KDM4C: variants seen among roughly 807,000 people sequenced by gnomAD.
The protein encoded by KDM4C is lysine demethylase 4C.
In KDM4C, 81 loss-of-function variants were observed where a neutral mutation model predicts 129.3. The ratio of observed to expected loss-of-function variants is 0.63; its 90% CI spans 0.52 to 0.75. The LOEUF is 0.75. Among genes scored for constraint, KDM4C ranks in the 30% least tolerant of loss-of-function variants. The probability of loss-of-function intolerance (pLI) is 0.00; values close to 1 mark genes in which losing one functional copy is unlikely to be tolerated. For missense variants in KDM4C, 1,457 were observed against 1,304.0 expected (o/e 1.12, Z -1.81); for synonymous variants, 573 against 456.1 (o/e 1.26, Z -3.26).
chr9:6,965,363 A>G (rs1162342996), intron 8 of KDM4C, among the ~76,000 whole-genome samples: 2 of 152,126 alleles, frequency 1.3e-5, no homozygotes, highest in Non-Finnish European at 2.9e-5. Context: ...AGAGAGATAT[A>G]TATGACTAAA....
intron 5 of KDM4C, among the ~76,000 whole-genome samples, chr9:6,873,847 G>C (rs1428020171): frequency 1.3e-5 from 2 of 151,480 alleles, no homozygotes; most frequent in Non-Finnish European, 2.9e-5. Flanking sequence ...ATCATTTCTA[G>C]CTTTTGATTT....
At chr9:7,089,173 C>T (rs952310669) in intron 17 of KDM4C, among the ~76,000 whole-genome samples, 11 of 151,836 alleles carry the variant, frequency 7.2e-5, no homozygotes, top group Admixed American at 1.3e-4. Context: ...TCTAATTTAC[C>T]ATGTTTTAAT....
intron 11 of KDM4C, among the ~76,000 whole-genome samples, chr9:6,989,147 G>A (rs1290561100): frequency 3.9e-5 from 6 of 152,166 alleles, no homozygotes; most frequent in Admixed American, 3.9e-4. Flanking sequence ...TATAAACATA[G>A]ATAGCTGTCA....
In KDM4C at chr9:7,169,896, T is replaced by G. The variant is rs1564205080; in HGVS notation, c.2994+6T>G. The G allele has an allele frequency of 6.2e-7, 1 of 1,613,844 alleles. No homozygotes were observed. Among genetic ancestry groups the G allele is most frequent in the Non-Finnish European group, 8.5e-7 (1 of 1,179,882 alleles). On this transcript the variant is annotated splice_donor_region_variant and intron_variant, in intron 21 of 21. Transcript: ENST00000381309. ...AGAGAGTGAAAGCTCGATTTGTAAG[T>G]GCTGGCAGATGCCACTTGGGGACCT...
chr9:7,106,092 T>C (rs192815730), intron 18 of KDM4C, among the ~76,000 whole-genome samples: 3 of 152,336 alleles, frequency 2.0e-5, no homozygotes, highest in African/African-American at 7.2e-5. Flanking sequence ...ATATTTCTAG[T>C]AGCTGTTACT....
chr9:7,125,504 G>A (rs937094608), intron 18 of KDM4C, among the ~76,000 whole-genome samples: 1 of 152,208 alleles, frequency 6.6e-6, no homozygotes, highest in African/African-American at 2.4e-5. Context: ...AATGACTGTT[G>A]AGGAAATTAG....
Position 7,091,936 on chromosome 9 carries a change from G to A in KDM4C, c.2425-11749G>A, listed in dbSNP as rs74671049. The stretch of plus-strand genomic sequence containing the variant: ...CTGGGCTCAGCACATGCTTCTCTGC[G>A]CTGTTTCCTGAAGTGTTATTTGTTT... On this transcript the variant is annotated intron_variant, in intron 17 of 21. Coordinates refer to ENST00000381309, the MANE Select transcript of KDM4C (RefSeq NM_015061.6). Among the ~76,000 whole-genome samples, 1,190 of 152,288 alleles carry A rather than the reference G, an allele frequency of 7.8e-3. 13 individuals carry two copies. Among genetic ancestry groups the A allele is most frequent in the African/African-American group, 0.026 (1,098 of 41,552 alleles).
intron 6 of KDM4C, among the ~76,000 whole-genome samples, chr9:6,882,190 A>T (rs1413846954): frequency 6.6e-6 from 1 of 152,244 alleles, no homozygotes; most frequent in African/African-American, 2.4e-5. Context: ...TGTAATAAAA[A>T]TCTCAAGTGA....
intron 17 of KDM4C, among the ~76,000 whole-genome samples, chr9:7,061,032 A>G (rs938027891): frequency 1.3e-5 from 2 of 152,170 alleles, no homozygotes; most frequent in African/African-American, 4.8e-5. Context: ...TTGCCTCTAA[A>G]GAGCTAAATA....
chr9:7,148,775 C>T (rs1395023429), intron 19 of KDM4C, among the ~76,000 whole-genome samples: 1 of 152,204 alleles, frequency 6.6e-6, no homozygotes, highest in East Asian at 1.9e-4. Context: ...CTCCTATCCA[C>T]AGGCAGGTAG....
chr9:6,903,180 T>C (rs568949193), intron 8 of KDM4C, among the ~76,000 whole-genome samples: 1 of 152,318 alleles, frequency 6.6e-6, no homozygotes, highest in Admixed American at 6.5e-5. Context: ...TTTTCATTGA[T>C]TTTTGGCAGC....
intron 4 of KDM4C, among the ~76,000 whole-genome samples, chr9:6,828,546 C>G (rs1038723772): frequency 6.6e-6 from 1 of 151,106 alleles, no homozygotes; most frequent in Non-Finnish European, 1.5e-5. Flanking sequence ...CACGTAGAGA[C>G]CGTCTGATCT....
chr9:7,009,292 G>A (rs554882147), intron 12 of KDM4C, among the ~76,000 whole-genome samples: 112 of 152,264 alleles, frequency 7.4e-4, no homozygotes, highest in African/African-American at 2.6e-3. Flanking sequence ...AGCCACCCAA[G>A]TCTGAATGAC....
intron 1 of KDM4C, among the ~76,000 whole-genome samples, chr9:6,722,870 C>A (rs967171658): frequency 1.3e-5 from 2 of 152,008 alleles, no homozygotes; most frequent in Non-Finnish European, 2.9e-5. Flanking sequence ...GTGGTCTCAG[C>A]TACTTGGAAG....
intron 8 of KDM4C, chr9:6,902,572 G>C (rs1400161943): frequency 6.6e-6 from 1 of 152,140 alleles, no homozygotes; most frequent in African/African-American, 2.4e-5. Context: ...TGAGGATGCG[G>C]GTGGTGATGG....
At chr9:6,809,310 A>G (rs1293535076) in intron 3 of KDM4C, among the ~76,000 whole-genome samples, 1 of 152,246 alleles carries the variant, frequency 6.6e-6, no homozygotes, top group African/African-American at 2.4e-5. Flanking sequence ...ATTCTTTTAT[A>G]AGTGCAATGC....
In KDM4C at chr9:7,042,654, A is replaced by G. The variant is rs144997190; in HGVS notation, c.2260-4208A>G. ...CTTCGTGGTTTGTTTAAGTACATAC[A>G]GGAACTTTCTTCTTGTCAGTTGTGA... On this transcript the variant is annotated intron_variant, in intron 15 of 21. Coordinates refer to ENST00000381309, the MANE Select transcript of KDM4C (RefSeq NM_015061.6). Among the ~76,000 whole-genome samples the G allele has an allele frequency of 8.1e-3, 1,238 of 152,170 alleles. 20 individuals carry two copies. Among genetic ancestry groups the G allele is most frequent in the African/African-American group, 0.025 (1,028 of 41,532 alleles).
At chr9:6,867,130 C>G (rs1365460448) in intron 5 of KDM4C, among the ~76,000 whole-genome samples, 1 of 151,486 alleles carries the variant, frequency 6.6e-6, no homozygotes, top group Non-Finnish European at 1.5e-5. Context: ...ATTCCCCTGC[C>G]TCAACCTCCC....
intron 8 of KDM4C, 53 bp downstream of exon 8, chr9:6,893,285 T>C (rs2130898672): frequency 6.8e-7 from 1 of 1,478,044 alleles, no homozygotes; most frequent in East Asian, 2.4e-5. Context: ...TCTGGTTATT[T>C]TAGTAGGAAC....
Sources: allele counts gnomAD v4.1 joint callset (sites outside exome capture counted in the v4.1 genomes callset), GRCh38; gene constraint gnomAD v4.1.1; transcripts MANE v1.5; gene names NCBI Gene and HGNC (gene_info 2026-07-23, HGNC 2026-07-21).